SLC9A8: variants seen among roughly 807,000 people sequenced by gnomAD.
SLC9A8 encodes solute carrier family 9 member A8, also known as sodium/hydrogen exchanger 8.
In SLC9A8, 48 loss-of-function variants were observed where a neutral mutation model predicts 66.6. That is an observed-to-expected ratio of 0.72 (90% CI 0.57 to 0.92). SLC9A8 has a LOEUF of 0.92. Ranked by LOEUF, SLC9A8 falls within the 40% of genes least tolerant of loss-of-function variation. SLC9A8 has a pLI of 0.00. For synonymous variants in SLC9A8, 274 were observed against 282.6 expected (o/e 0.97, Z 0.31); for missense variants, 599 against 747.3 (o/e 0.80, Z 2.31).
intron 13 of SLC9A8, 80 bp from the exon 14 acceptor site, chr20:49,883,766 C>A: frequency 8.7e-7 from 1 of 1,155,514 alleles, no homozygotes; most frequent in Non-Finnish European, 1.2e-6. Flanking sequence ...GGTGCTGGGC[C>A]GGCTGGATTT....
At chr20:49,827,745 G>A (rs1026642875) in intron 3 of SLC9A8, among the ~76,000 whole-genome samples, 5 of 151,998 alleles carry the variant, frequency 3.3e-5, no homozygotes, top group African/African-American at 1.2e-4. Context: ...GCCAGATTAG[G>A]GTTATAAGTG....
intron 8 of SLC9A8, among the ~76,000 whole-genome samples, chr20:49,856,249 A>G (rs988474188): frequency 5.9e-5 from 9 of 152,264 alleles, no homozygotes; most frequent in African/African-American, 1.9e-4. Flanking sequence ...TGGGTTTTTA[A>G]TAAGTTCCCC....
intron 8 of SLC9A8, among the ~76,000 whole-genome samples, chr20:49,857,922 A>G (rs2088570353): frequency 6.6e-6 from 1 of 152,228 alleles, no homozygotes; most frequent in South Asian, 2.1e-4. Context: ...CTTAAAAAAC[A>G]ACCAAACTTA....
intron 7 of SLC9A8, among the ~76,000 whole-genome samples, chr20:49,853,064 G>T (rs530231328): frequency 6.6e-6 from 1 of 152,142 alleles, no homozygotes; most frequent in Non-Finnish European, 1.5e-5. Flanking sequence ...TACAGAAAAG[G>T]TGAAGCATTG....
intron 2 of SLC9A8, among the ~76,000 whole-genome samples, chr20:49,819,157 C>T (rs894028809): frequency 1.3e-5 from 2 of 152,150 alleles, no homozygotes; most frequent in Admixed American, 6.5e-5. Flanking sequence ...TATTTACTTA[C>T]ACTAGATTAA....
intron 13 of SLC9A8, 120 bp downstream of exon 13, chr20:49,881,155 G>C: frequency 2.9e-6 from 2 of 687,424 alleles, no homozygotes; most frequent in East Asian, 2.7e-5. Context: ...CAATACTCCC[G>C]TTTAATGGCA....
chr20:49,852,030 G>A (rs547315831), intron 7 of SLC9A8, among the ~76,000 whole-genome samples: 6 of 152,308 alleles, frequency 3.9e-5, no homozygotes, highest in South Asian at 2.1e-4. Context: ...ACTTAGAGCC[G>A]GGTAGTGTTT....
intron 2 of SLC9A8, 83 bp from the exon 3 acceptor site, chr20:49,822,974 CAGAA>C (rs2086795508): frequency 9.0e-7 from 1 of 1,107,194 alleles, no homozygotes; most frequent in African/African-American, 1.6e-5. Context: ...AGGACCCCCC[CAGAA>C]ATAACCACTG....
intron 1 of SLC9A8, among the ~76,000 whole-genome samples, chr20:49,814,634 A>G (rs746602726): frequency 6.6e-6 from 1 of 152,196 alleles, no homozygotes; most frequent in Non-Finnish European, 1.5e-5. Context: ...TGCCAGGAAA[A>G]TAATGTAAAT....
chr20:49,884,338 C>CACACACACACA lies in SLC9A8; in HGVS notation c.1491+272_1491+273insACACACACACA, dbSNP rs1600823664. Among the ~76,000 whole-genome samples, 301 of 44,578 alleles carry CACACACACACA rather than the reference C, an allele frequency of 6.8e-3. 96 individuals are homozygous for CACACACACACA. The highest frequency in any genetic ancestry group is 0.015 in the African/African-American group (158 of 10,794). The allele number at this position is 44,578 out of a possible 152,430, so 29.2% of individuals were successfully genotyped here. ...CACACACACACACACACACACACAC[C>CACACACACACA]CCCCGGTCATCCCCCCTGAGAAGGA... is the stretch of plus-strand genomic sequence containing the variant. On this transcript the variant is annotated intron_variant, in intron 14 of 15. Transcript: ENST00000361573.
chr20:49,884,114 C>T (rs2089732591), intron 14 of SLC9A8, 48 bp downstream of exon 14: 14 of 1,550,816 alleles, frequency 9.0e-6, no homozygotes, highest in South Asian at 2.2e-5. Flanking sequence ...TGGCCTGCTA[C>T]GCAGCTGGTG....
chr20:49,850,601 G>A (rs899019300), intron 6 of SLC9A8, among the ~76,000 whole-genome samples: 2 of 152,198 alleles, frequency 1.3e-5, no homozygotes, highest in Non-Finnish European at 2.9e-5. Context: ...CTTGAAGAAT[G>A]TAGCATTCTT....
At chr20:49,816,300 A>G (rs1423270077) in intron 2 of SLC9A8, among the ~76,000 whole-genome samples, 3 of 151,962 alleles carry the variant, frequency 2.0e-5, no homozygotes, top group East Asian at 3.9e-4. Context: ...TGTGCCTGTA[A>G]TCCCCGCTAC....
At chr20:49,855,406 A>G (rs2088431993) in intron 7 of SLC9A8, 32 bp from the exon 8 acceptor site, 2 of 1,610,228 alleles carry the variant, frequency 1.2e-6, no homozygotes, top group Non-Finnish European at 1.7e-6. Flanking sequence ...GACACACATT[A>G]CAGAATCTCC....
At chr20:49,845,406 A>G (rs1274518485) in intron 5 of SLC9A8, among the ~76,000 whole-genome samples, 1 of 152,250 alleles carries the variant, frequency 6.6e-6, no homozygotes, top group Non-Finnish European at 1.5e-5. Context: ...TAAGTGGCTC[A>G]CAGATGATGC....
At chr20:49,866,752 T>G (rs1312099038) in intron 10 of SLC9A8, among the ~76,000 whole-genome samples, 3 of 152,184 alleles carry the variant, frequency 2.0e-5, no homozygotes, top group Non-Finnish European at 2.9e-5. Flanking sequence ...TTTACTCCAG[T>G]TATGAGAGGT....
At position 49,883,990 on chromosome 20, in the gene SLC9A8, G is replaced by T. The variant is rs745943307; in HGVS notation, c.1415G>T (p.Arg472Leu). 4.3e-6 allele frequency: 7 copies of T among 1,613,334 alleles called. No individual in the cohort carries two copies. The highest frequency in any genetic ancestry group is 5.9e-6 in the Non-Finnish European group (7 of 1,179,996). ...GGCGGCAGCACCATGCCCCTCATTC[G>T]CCTCATGGACATCGAGGACGCCAAG... ...LLGGSTMPLIRLMDIEDAKAH... is the reference protein window; with the variant it reads ...LLGGSTMPLILLMDIEDAKAH... Residue 472 changes from arginine to leucine, a missense_variant, in exon 14 of 16, where the codon CGC (arginine) becomes CTC (leucine). Physicochemically the swap from Arg to Leu is moderately radical, Grantham distance 102 (BLOSUM62 -2). Transcript: ENST00000361573.
At chr20:49,869,973 A>G (rs979051919) in intron 10 of SLC9A8, among the ~76,000 whole-genome samples, 1 of 152,222 alleles carries the variant, frequency 6.6e-6, no homozygotes, top group Non-Finnish European at 1.5e-5. Context: ...GGAAGGAACT[A>G]TATGTTCATC....
intron 7 of SLC9A8, among the ~76,000 whole-genome samples, chr20:49,853,328 A>G (rs184411736): frequency 5.3e-5 from 8 of 152,074 alleles, no homozygotes; most frequent in Admixed American, 2.6e-4. Context: ...GTGTGTAGAG[A>G]TAGGGTTCTC....
Sources: allele counts gnomAD v4.1 joint callset (sites outside exome capture counted in the v4.1 genomes callset), GRCh38; gene constraint gnomAD v4.1.1; transcripts MANE v1.5; gene names NCBI Gene and HGNC (gene_info 2026-07-23, HGNC 2026-07-21).